GALNTL6: variants seen among roughly 807,000 people sequenced by gnomAD.
GALNTL6 encodes the protein polypeptide N-acetylgalactosaminyltransferase-like 6.
GALNTL6 carries 46 observed loss-of-function variants against 73.7 expected under a neutral mutation model. The observed-to-expected ratio is 0.62, with a 90% CI of 0.49 to 0.80. The LOEUF is 0.80. GALNTL6 is among the 30% of genes least tolerant of loss of function. The pLI is 0.00. For missense variants in GALNTL6, 604 were observed against 755.0 expected, an observed-to-expected ratio of 0.80 and a Z score of 2.34; for synonymous variants, 259 against 263.7, an observed-to-expected ratio of 0.98 and a Z score of 0.17.
intron 2 of GALNTL6, among the ~76,000 whole-genome samples, chr4:171,875,603 C>A (rs1012595006): frequency 6.6e-6 from 1 of 152,014 alleles, no homozygotes; most frequent in East Asian, 1.9e-4. Flanking sequence ...GCTTATTGTT[C>A]TTATGTATCT....
intron 5 of GALNTL6, among the ~76,000 whole-genome samples, chr4:172,556,521 A>G (rs190567767): frequency 8.5e-5 from 13 of 152,234 alleles, no homozygotes; most frequent in Non-Finnish European, 1.3e-4. Context: ...CAAATATTGC[A>G]TGAAACATAC....
chr4:172,552,734 GTTT>G (rs546719355), intron 5 of GALNTL6, among the ~76,000 whole-genome samples: 2 of 128,148 alleles, frequency 1.6e-5, no homozygotes, highest in African/African-American at 5.6e-5. Context: ...TGTTAAAAGC[GTTT>G]TTTTTTTTTA....
chr4:172,567,018 A>T lies in GALNTL6; in HGVS notation c.553+218329A>T, dbSNP rs148234590. On this transcript the variant is annotated intron_variant, in intron 5 of 12. Coordinates refer to ENST00000506823, the MANE Select transcript of GALNTL6 (RefSeq NM_001034845.3). ...AACAGCACAACTTTTGACACTGTGA[A>T]GCTCCTTTAAAAAAAAAAAAAAGAA... is the stretch of plus-strand genomic sequence containing the variant. Among the ~76,000 whole-genome samples, 1,003 of 151,538 alleles carry T rather than the reference A, an allele frequency of 6.6e-3. 14 individuals carry two copies. Among genetic ancestry groups the T allele is most frequent in the African/African-American group, 0.023 (952 of 41,152 alleles).
At chr4:172,481,330 C>T (rs1324448622) in intron 5 of GALNTL6, among the ~76,000 whole-genome samples, 2 of 131,266 alleles carry the variant, frequency 1.5e-5, no homozygotes, top group African/African-American at 5.2e-5. Context: ...TGTTACAGCT[C>T]ATAAAGGCAG....
intron 5 of GALNTL6, among the ~76,000 whole-genome samples, chr4:172,397,090 G>GTATA (rs201259680): frequency 6.6e-6 from 1 of 151,934 alleles, no homozygotes; most frequent in African/African-American, 2.4e-5. Flanking sequence ...GGCTACCTAG[G>GTATA]TATATATATA....
chr4:172,841,808 C>A (rs1041055757), intron 7 of GALNTL6, among the ~76,000 whole-genome samples: 1 of 152,198 alleles, frequency 6.6e-6, no homozygotes, highest in Non-Finnish European at 1.5e-5. Flanking sequence ...GATGGGGACA[C>A]AAAGCCTGAT....
intron 2 of GALNTL6, among the ~76,000 whole-genome samples, chr4:171,891,375 T>G (rs1222284557): frequency 6.6e-6 from 1 of 152,206 alleles, no homozygotes; most frequent in Non-Finnish European, 1.5e-5. Flanking sequence ...TTCTCACACC[T>G]GGCTATGCAG....
intron 5 of GALNTL6, among the ~76,000 whole-genome samples, chr4:172,635,920 C>A (rs1739654063): frequency 6.6e-6 from 1 of 152,132 alleles, no homozygotes; most frequent in African/African-American, 2.4e-5. Flanking sequence ...ATATGATAAA[C>A]CTATAGTTCT....
chr4:172,172,764 C>T (rs942126043), intron 2 of GALNTL6, among the ~76,000 whole-genome samples: 5 of 152,172 alleles, frequency 3.3e-5, no homozygotes, highest in South Asian at 2.1e-4. Context: ...TTACAAAAGC[C>T]GCCAGCCTCA....
intron 2 of GALNTL6, among the ~76,000 whole-genome samples, chr4:172,124,218 C>A (rs985390088): frequency 6.6e-6 from 1 of 151,996 alleles, no homozygotes; most frequent in African/African-American, 2.4e-5. Context: ...AATAACATAC[C>A]CATAAATGTA....
chr4:172,733,409 G>T (rs1320399538), intron 5 of GALNTL6, among the ~76,000 whole-genome samples: 1 of 152,052 alleles, frequency 6.6e-6, no homozygotes, highest in Non-Finnish European at 1.5e-5. Flanking sequence ...TATTTGATAT[G>T]GTTTGGCTGT....
chr4:172,962,406 A>T (rs1164813869), intron 10 of GALNTL6, among the ~76,000 whole-genome samples: 1 of 152,220 alleles, frequency 6.6e-6, no homozygotes, highest in Non-Finnish European at 1.5e-5. Context: ...AGATTTCACT[A>T]GTTTTTTTTG....
intron 2 of GALNTL6, among the ~76,000 whole-genome samples, chr4:171,904,559 G>T (rs1737213036): frequency 6.6e-6 from 1 of 152,156 alleles, no homozygotes; most frequent in Non-Finnish European, 1.5e-5. Context: ...AACCAAGTTG[G>T]AAAACACTCT....
chr4:172,686,790 A>T (rs1732943388), intron 5 of GALNTL6, among the ~76,000 whole-genome samples: 1 of 152,198 alleles, frequency 6.6e-6, no homozygotes, highest in Admixed American at 6.5e-5. Context: ...TGTGTTTTCA[A>T]TGAACTTCAA....
At chr4:171,954,482 C>T (rs1227272493) in intron 2 of GALNTL6, among the ~76,000 whole-genome samples, 3 of 151,978 alleles carry the variant, frequency 2.0e-5, no homozygotes, top group East Asian at 1.9e-4. Flanking sequence ...CTGCAAATTA[C>T]GTAAGAATAC....
At chr4:172,034,298 G>A (rs1397653333) in intron 2 of GALNTL6, among the ~76,000 whole-genome samples, 1 of 151,748 alleles carries the variant, frequency 6.6e-6, no homozygotes, top group Non-Finnish European at 1.5e-5. Flanking sequence ...GCCATAGCTG[G>A]GATTTCCTTT....
chr4:171,900,607 C>T (rs993098623), intron 2 of GALNTL6, among the ~76,000 whole-genome samples: 5 of 151,752 alleles, frequency 3.3e-5, no homozygotes, highest in East Asian at 3.9e-4. Flanking sequence ...TGTGAGCCAG[C>T]GCTATTTTAA....
intron 5 of GALNTL6, among the ~76,000 whole-genome samples, chr4:172,723,377 T>C (rs902667955): frequency 3.3e-5 from 5 of 152,158 alleles, no homozygotes; most frequent in Non-Finnish European, 7.4e-5. Context: ...ATTACTAGCC[T>C]TGTGGCCTTC....
intron 7 of GALNTL6, 48 bp from the exon 8 acceptor site, chr4:172,882,742 G>T (rs752510303): frequency 1.9e-5 from 22 of 1,179,560 alleles, no homozygotes; most frequent in Non-Finnish European, 2.8e-5. Context: ...AAATGCCATT[G>T]TCTGTAACGT....
Sources: allele counts gnomAD v4.1 joint callset (sites outside exome capture counted in the v4.1 genomes callset), GRCh38; gene constraint gnomAD v4.1.1; transcripts MANE v1.5; gene names NCBI Gene and HGNC (gene_info 2026-07-23, HGNC 2026-07-21).